Variants in OSBPL6 observed in about 807,000 individuals in gnomAD.
OSBPL6 encodes oxysterol-binding protein-related protein 6.
In OSBPL6, 49 loss-of-function variants were observed where a neutral mutation model predicts 125.8. The observed-to-expected ratio is 0.39, with a 90% CI of 0.31 to 0.49. The LOEUF (loss-of-function observed/expected upper bound fraction) is 0.49. Ranked by LOEUF, OSBPL6 falls within the 20% of genes least tolerant of loss-of-function variation. OSBPL6 has a pLI of 0.88. For missense variants in OSBPL6, 986 were observed against 1,135.4 expected (o/e 0.87, Z 1.89); for synonymous variants, 394 against 391.8 (o/e 1.01, Z -0.07).
intron 1 of OSBPL6, among the ~76,000 whole-genome samples, chr2:178,243,706 T>C (rs752781448): frequency 6.6e-6 from 1 of 152,168 alleles, no homozygotes; most frequent in Non-Finnish European, 1.5e-5. Flanking sequence ...CAGGCTGGAG[T>C]GCAATGGCTC....
intron 2 of OSBPL6, among the ~76,000 whole-genome samples, chr2:178,303,742 G>A (rs943258427): frequency 6.6e-6 from 1 of 152,116 alleles, no homozygotes. Context: ...TGCTCAGAAT[G>A]CCAGAGACCT....
intron 15 of OSBPL6, among the ~76,000 whole-genome samples, chr2:178,375,718 C>T (rs1258493688): frequency 6.6e-6 from 1 of 152,108 alleles, no homozygotes; most frequent in East Asian, 1.9e-4. Context: ...CCACTGCGCC[C>T]GACCCCTTCA....
intron 1 of OSBPL6, among the ~76,000 whole-genome samples, chr2:178,258,334 G>A (rs1036229092): frequency 3.3e-5 from 5 of 151,918 alleles, no homozygotes; most frequent in East Asian, 3.9e-4. Flanking sequence ...GGCCTCAAGC[G>A]ATCGGCCCGC....
intron 1 of OSBPL6, among the ~76,000 whole-genome samples, chr2:178,201,258 C>A (rs2089244870): frequency 6.6e-6 from 1 of 152,148 alleles, no homozygotes. Flanking sequence ...TTGTAGGCAT[C>A]TGATTTTCAT....
At chr2:178,263,728 A>G (rs1421261113) in intron 1 of OSBPL6, among the ~76,000 whole-genome samples, 1 of 152,054 alleles carries the variant, frequency 6.6e-6, no homozygotes, top group Non-Finnish European at 1.5e-5. Context: ...GCTTGGGGAC[A>G]TGGCAGGCTC....
At chr2:178,317,436 CCATATATATA>C (rs1297312387) in intron 3 of OSBPL6, among the ~76,000 whole-genome samples, 2 of 59,886 alleles carry the variant, frequency 3.3e-5, no homozygotes, top group African/African-American at 6.8e-5. Context: ...AACTTAGACA[CCATATATATA>C]TATATATATA....
At chr2:178,253,787 A>G (rs1024998997) in intron 1 of OSBPL6, among the ~76,000 whole-genome samples, 3 of 152,124 alleles carry the variant, frequency 2.0e-5, no homozygotes, top group Non-Finnish European at 4.4e-5. Context: ...CTAGGGATTG[A>G]ATGTTTGACC....
chr2:178,195,232 G>A (rs560386107), intron 1 of OSBPL6, among the ~76,000 whole-genome samples: 2 of 152,154 alleles, frequency 1.3e-5, no homozygotes, highest in South Asian at 4.1e-4. Flanking sequence ...ACTGCGGACT[G>A]CCCTCGCGGG....
intron 13 of OSBPL6, among the ~76,000 whole-genome samples, chr2:178,363,727 C>T (rs1692562420): frequency 6.6e-6 from 1 of 152,202 alleles, no homozygotes. Flanking sequence ...ATATTTCCCT[C>T]TCTTGTCAAC....
intron 2 of OSBPL6, among the ~76,000 whole-genome samples, chr2:178,303,656 A>G (rs528257312): frequency 6.6e-6 from 1 of 152,300 alleles, no homozygotes; most frequent in South Asian, 2.1e-4. Context: ...TTTGTCTCCA[A>G]CTGAATGTCT....
At position 178,257,799 on chromosome 2, in the gene OSBPL6, C is replaced by CTTT. The variant is rs34246883; in HGVS notation, c.-350-27117_-350-27115dup. Among the ~76,000 whole-genome samples, 41 of 143,630 alleles carry CTTT rather than the reference C, an allele frequency of 2.9e-4. 1 individual carries two copies. Among genetic ancestry groups the CTTT allele is most frequent in the African/African-American group, 1.0e-3 (41 of 39,202 alleles). The allele number at this position is 143,630 out of a possible 152,430, so 94.2% of individuals were successfully genotyped here. Reference sequence around the variant, plus strand: ...CTAGTTGTCTATATTTTTTTAATTCCTTTTTTTTTTTTTGAGACCAGATCT... The same window carrying CTTT: ...CTAGTTGTCTATATTTTTTTAATTCCTTTTTTTTTTTTTTTTGAGACCAGATCT... On this transcript the variant is annotated intron_variant, in intron 1 of 24. Transcript: ENST00000190611.
intron 13 of OSBPL6, among the ~76,000 whole-genome samples, chr2:178,367,623 G>T (rs962598112): frequency 6.6e-6 from 1 of 152,184 alleles, no homozygotes; most frequent in Admixed American, 6.5e-5. Context: ...TAAGGAGGTG[G>T]CAATTTAGGT....
At chr2:178,333,191 C>G (rs755660013) in intron 8 of OSBPL6, 150 bp downstream of exon 8, 1 of 798,880 alleles carries the variant, frequency 1.3e-6, no homozygotes, top group Non-Finnish European at 2.0e-6. Flanking sequence ...CGAGACCAGC[C>G]TGGGCAACAT....
At chr2:178,229,279 A>G (rs1054842295) in intron 1 of OSBPL6, among the ~76,000 whole-genome samples, 4 of 152,204 alleles carry the variant, frequency 2.6e-5, no homozygotes, top group Admixed American at 6.5e-5. Flanking sequence ...TGGAGGACAC[A>G]CAAGATAGAT....
At chr2:178,247,201 G>T (rs2091526950) in intron 1 of OSBPL6, among the ~76,000 whole-genome samples, 2 of 152,010 alleles carry the variant, frequency 1.3e-5, no homozygotes, top group African/African-American at 4.8e-5. Context: ...AAATGATTTT[G>T]TCTATTTGTT....
intron 1 of OSBPL6, among the ~76,000 whole-genome samples, chr2:178,265,011 T>C (rs1294126130): frequency 6.6e-6 from 1 of 151,680 alleles, no homozygotes; most frequent in Non-Finnish European, 1.5e-5. Flanking sequence ...TGCCTCAGCC[T>C]CCTGAGTAGC....
chr2:178,243,766 C>T (rs751861127), intron 1 of OSBPL6, among the ~76,000 whole-genome samples: 6 of 152,176 alleles, frequency 3.9e-5, no homozygotes, highest in Non-Finnish European at 7.3e-5. Context: ...GATTCTCCTG[C>T]CTCAGCCTCC....
chr2:178,326,310 C>T lies in OSBPL6; in HGVS notation c.196-1946C>T, dbSNP rs1271008394. Among the ~76,000 whole-genome samples, 5 of 151,936 alleles carry T rather than the reference C, an allele frequency of 3.3e-5. No homozygotes were observed. The South Asian group carries it at 6.2e-4, about 19-fold the overall frequency. On this transcript the variant is annotated intron_variant, in intron 4 of 24. Coordinates refer to ENST00000190611, the MANE Select transcript of OSBPL6 (RefSeq NM_032523.4). ...TTTTTTCCAAATGAAAAAACTTGGG[C>T]GATTATGACATTACTGTCTGTTCTT...
At position 178,302,874 on chromosome 2, in the gene OSBPL6, C is replaced by T. The variant is rs181500780; in HGVS notation, c.-155-3156C>T. ...AATATACCTTGGATTGAATTTACTTCCAAATGGATTTCAGTTTAATGAGTT... is the reference window on the plus strand; with the variant it reads ...AATATACCTTGGATTGAATTTACTTTCAAATGGATTTCAGTTTAATGAGTT... On this transcript the variant is annotated intron_variant, in intron 2 of 24. Transcript: ENST00000190611. 7.5e-3 allele frequency among the ~76,000 whole-genome samples: 1,147 copies of T among 152,264 alleles called. 10 individuals carry two copies. Among genetic ancestry groups the T allele is most frequent in the Non-Finnish European group, 0.012 (812 of 68,026 alleles).
Sources: gnomAD v4.1 joint callset for allele counts (sites outside exome capture counted in the v4.1 genomes callset) on GRCh38, gnomAD v4.1.1 for gene constraint, MANE v1.5 for transcripts, NCBI Gene and HGNC (gene_info 2026-07-23, HGNC 2026-07-21) for gene names.